MFSD6: variants seen among roughly 807,000 people sequenced by gnomAD.
MFSD6 encodes major facilitator superfamily domain containing 6, also known as major facilitator superfamily domain-containing protein 6.
MFSD6 carries 26 observed loss-of-function variants against 56.3 expected under a neutral mutation model. That is an observed-to-expected ratio of 0.46 (90% CI 0.34 to 0.64). The LOEUF is 0.64. MFSD6 is among the 30% of genes least tolerant of loss of function. The pLI, the probability that MFSD6 is intolerant of heterozygous loss-of-function variation, is 0.01. For synonymous variants in MFSD6, 331 were observed against 366.9 expected (o/e 0.90, Z 1.12); for missense variants, 750 against 986.2 (o/e 0.76, Z 3.21).
chr2:190,428,082 T>A (rs1481653734), intron 2 of MFSD6, among the ~76,000 whole-genome samples: 2 of 152,236 alleles, frequency 1.3e-5, no homozygotes, highest in Non-Finnish European at 2.9e-5. Context: ...TTATTATTTT[T>A]CCATAAGTGG....
chr2:190,449,953 A>T (rs1481134752), intron 3 of MFSD6, among the ~76,000 whole-genome samples: 2 of 152,132 alleles, frequency 1.3e-5, no homozygotes, highest in East Asian at 3.8e-4. Context: ...AGCATGGCAC[A>T]TGTATACATA....
At position 190,412,345 on chromosome 2, in the gene MFSD6, G is replaced by A; in HGVS notation, c.-175-2947G>A. Reference sequence around the variant, plus strand: ...CAGAAGAGATATTCTCACAATTTTAGGTATTATCCAACATTTCATTTTGGG... The same window carrying A: ...CAGAAGAGATATTCTCACAATTTTAAGTATTATCCAACATTTCATTTTGGG... On this transcript the variant is annotated intron_variant, in intron 1 of 7. Transcript: ENST00000392328. This position sits in a 1 kb window ranked among gnomAD's most constrained non-coding sequence, Gnocchi z 4.1. 1 of 984,096 alleles carries A rather than the reference G, an allele frequency of 1.0e-6. No individual in the cohort carries two copies. The highest frequency in any genetic ancestry group is 1.2e-6 in the Non-Finnish European group (1 of 828,800). 61.0% of individuals were successfully genotyped at this position (984,096 alleles called of 1,614,324 possible).
chr2:190,451,492 G>T lies in MFSD6; in HGVS notation c.1532+13931G>T, dbSNP rs939671082. On this transcript the variant is annotated intron_variant, in intron 3 of 7. Transcript: ENST00000392328. The surrounding 1 kb of genome is among the most constrained non-coding windows in gnomAD (Gnocchi z 5.0). Reference sequence around the variant, plus strand: ...ATAAGAAAGATAAAGGTCAGTCCTCGTGGGACTCACATTCTACTGGGGCAG... The same window carrying T: ...ATAAGAAAGATAAAGGTCAGTCCTCTTGGGACTCACATTCTACTGGGGCAG... Among the ~76,000 whole-genome samples, 2 of 152,216 alleles carry T rather than the reference G, an allele frequency of 1.3e-5. No homozygotes were observed. Among genetic ancestry groups the T allele is most frequent in the Admixed American group, 6.5e-5 (1 of 15,280 alleles).
At position 190,414,792 on chromosome 2, in the gene MFSD6, A is replaced by G. The variant is rs138477862; in HGVS notation, c.-175-500A>G. ...CAGCCAAGTATAAGAAAAAAATTAAATAAGTCCTAATTTTACTACTCAGAG... is the reference window on the plus strand; with the variant it reads ...CAGCCAAGTATAAGAAAAAAATTAAGTAAGTCCTAATTTTACTACTCAGAG... On this transcript the variant is annotated intron_variant, in intron 1 of 7. Transcript: ENST00000392328. Among the ~76,000 whole-genome samples the G allele has an allele frequency of 1.0e-3, 156 of 152,346 alleles. 1 individual carries two copies. Among genetic ancestry groups the G allele is most frequent in the African/African-American group, 3.7e-3 (152 of 41,592 alleles).
In MFSD6 at chr2:190,447,511, T is replaced by C. The variant is rs1419979871; in HGVS notation, c.1532+9950T>C. On this transcript the variant is annotated intron_variant, in intron 3 of 7. Coordinates refer to ENST00000392328, the MANE Select transcript of MFSD6 (RefSeq NM_017694.4). The surrounding 1 kb of genome is among the most constrained non-coding windows in gnomAD (Gnocchi z 4.5). The stretch of plus-strand genomic sequence containing the variant: ...CATATAGTCTGTGTCATAGCACATA[T>C]GAAAAAATGACCTACCTAGTGATAT... Among the ~76,000 whole-genome samples the C allele has an allele frequency of 1.3e-5, 2 of 149,072 alleles. No homozygotes were observed. The highest frequency in any genetic ancestry group is 1.9e-4 in the East Asian group (1 of 5,204).
chr2:190,412,181 A>G lies in MFSD6; in HGVS notation c.-175-3111A>G. On this transcript the variant is annotated intron_variant, in intron 1 of 7. Transcript: ENST00000392328. The surrounding 1 kb of genome is among the most constrained non-coding windows in gnomAD (Gnocchi z 4.1). ...CACTGCTTAGAATCCTTAAAAATTA[A>G]TACATTTCCAGACTTAGAAATCCAG... 1 of 984,700 alleles carries G rather than the reference A, an allele frequency of 1.0e-6. No homozygotes were observed. The highest frequency in any genetic ancestry group is 1.2e-6 in the Non-Finnish European group (1 of 829,248). The allele number at this position is 984,700 out of a possible 1,614,324, so 61.0% of individuals were successfully genotyped here.
At chr2:190,442,409 A>C (rs764900040) in intron 3 of MFSD6, among the ~76,000 whole-genome samples, 7 of 152,118 alleles carry the variant, frequency 4.6e-5, no homozygotes, top group Non-Finnish European at 7.4e-5. Flanking sequence ...TTTCATCTGG[A>C]GGCAGTAGGT....
At position 190,431,658 on chromosome 2, in the gene MFSD6, C is replaced by T. The variant is rs1686007542; in HGVS notation, c.-53-4319C>T. ...GCAGTGAGCCGAGATGGCAGCAGTA[C>T]AGTCCAGCTTCGGCTCAGCATCAGG... On this transcript the variant is annotated intron_variant, in intron 2 of 7. Transcript: ENST00000392328. This position sits in a 1 kb window ranked among gnomAD's most constrained non-coding sequence, Gnocchi z 4.4. Among the ~76,000 whole-genome samples, 1 of 152,180 alleles carries T rather than the reference C, an allele frequency of 6.6e-6. No individual in the cohort carries two copies. Among genetic ancestry groups the T allele is most frequent in the African/African-American group, 2.4e-5 (1 of 41,442 alleles).
Position 190,458,417 on chromosome 2 carries a change from G to A in MFSD6, c.1533-11341G>A, listed in dbSNP as rs1208064605. On this transcript the variant is annotated intron_variant, in intron 3 of 7. Coordinates refer to ENST00000392328, the MANE Select transcript of MFSD6 (RefSeq NM_017694.4). This position sits in a 1 kb window ranked among gnomAD's most constrained non-coding sequence, Gnocchi z 5.3. ...GAGGATGACTTGTCTGCAAGCCAAC[G>A]AGAGGGGCCCTGGAGAAACCAACAT... is the stretch of plus-strand genomic sequence containing the variant. Among the ~76,000 whole-genome samples the A allele has an allele frequency of 2.0e-5, 3 of 152,080 alleles. No homozygotes were observed. Among genetic ancestry groups the A allele is most frequent in the African/African-American group, 7.2e-5 (3 of 41,404 alleles).
chr2:190,461,516 A>G lies in MFSD6; in HGVS notation c.1533-8242A>G, dbSNP rs546897253. Reference sequence around the variant, plus strand: ...TACTTAATATTCTGCAATGTCTTTTACCTTGCTTTAAATGCCAAACAGTTC... The same window carrying G: ...TACTTAATATTCTGCAATGTCTTTTGCCTTGCTTTAAATGCCAAACAGTTC... On this transcript the variant is annotated intron_variant, in intron 3 of 7. Coordinates refer to ENST00000392328, the MANE Select transcript of MFSD6 (RefSeq NM_017694.4). The surrounding 1 kb of genome is among the most constrained non-coding windows in gnomAD (Gnocchi z 5.5). Among the ~76,000 whole-genome samples the G allele has an allele frequency of 2.0e-5, 3 of 152,300 alleles. No individual in the cohort carries two copies. The highest frequency in any genetic ancestry group is 4.4e-5 in the Non-Finnish European group (3 of 68,022).
At chr2:190,422,128 G>A (rs1478193236) in intron 2 of MFSD6, among the ~76,000 whole-genome samples, 1 of 152,094 alleles carries the variant, frequency 6.6e-6, no homozygotes, top group African/African-American at 2.4e-5. Context: ...TTGTTTTCTT[G>A]TAGTGTTCTG....
chr2:190,440,807 T>C (rs1328323477), intron 3 of MFSD6, among the ~76,000 whole-genome samples: 1 of 152,168 alleles, frequency 6.6e-6, no homozygotes, highest in Non-Finnish European at 1.5e-5. Context: ...CTACTTAATA[T>C]TAGCAAAATA....
Position 190,419,147 on chromosome 2 carries a change from A to G in MFSD6, c.-54+3734A>G, listed in dbSNP as rs74646712. Reference sequence around the variant, plus strand: ...GCAGATGCTAAAGCAATCCTGATGGAAAAAAAAAATCTATGGGAATTGACC... The same window carrying G: ...GCAGATGCTAAAGCAATCCTGATGGGAAAAAAAAATCTATGGGAATTGACC... On this transcript the variant is annotated intron_variant, in intron 2 of 7. Transcript: ENST00000392328. Among the ~76,000 whole-genome samples the G allele has an allele frequency of 9.5e-4, 143 of 151,102 alleles. 1 individual carries two copies. The highest frequency in any genetic ancestry group is 2.1e-3 in the Admixed American group (32 of 15,144).
chr2:190,408,941 C>T (rs989885710), intron 1 of MFSD6, among the ~76,000 whole-genome samples: 39 of 152,208 alleles, frequency 2.6e-4, no homozygotes, highest in Admixed American at 4.6e-4. Context: ...CGACCCGCGC[C>T]CTCGCCATAA....
rs1406424563 is a variant in MFSD6 at position 190,436,381 on chromosome 2, G to T, written c.352G>T (p.Ala118Ser). 6.2e-7 allele frequency: 1 copy of T among 1,614,160 alleles called. No homozygotes were observed. The highest frequency in any genetic ancestry group is 8.5e-7 in the Non-Finnish European group (1 of 1,180,024). The change falls in exon 3 of 8, where the codon GCC becomes TCC. Residue 118 changes from alanine (A) to serine (S), a missense_variant. Physicochemically the swap from Ala to Ser is moderately conservative, Grantham distance 99 (BLOSUM62 1). Around this residue, in one of 5 missense-constraint regions of MFSD6, gnomAD observed 376 missense variants for 437.9 expected, o/e 0.86. Transcript: ENST00000392328. This position sits in a 1 kb window ranked among gnomAD's most constrained non-coding sequence, Gnocchi z 5.3. ...TCGTTACTTCATTGAATTCTGCAGT[G>T]CCCCCTTTTGGGGTGTAGTTGCAGA... is the stretch of plus-strand genomic sequence containing the variant. The part of the protein sequence containing the change: ...GIRYFIEFCS[A>S]PFWGVVADRF...
Position 190,458,996 on chromosome 2 carries a change from G to T in MFSD6, c.1533-10762G>T, listed in dbSNP as rs1687184127. Among the ~76,000 whole-genome samples the T allele has an allele frequency of 6.6e-6, 1 of 152,198 alleles. No homozygotes were observed. The highest frequency in any genetic ancestry group is 2.1e-4 in the South Asian group (1 of 4,828). On this transcript the variant is annotated intron_variant, in intron 3 of 7. Coordinates refer to ENST00000392328, the MANE Select transcript of MFSD6 (RefSeq NM_017694.4). The surrounding 1 kb of genome is among the most constrained non-coding windows in gnomAD (Gnocchi z 5.3). ...AACAAGAACATCTGTTGTACTGACTGCTCCCAAGTCTGACGTAGAGAGTGG... is the reference window on the plus strand; with the variant it reads ...AACAAGAACATCTGTTGTACTGACTTCTCCCAAGTCTGACGTAGAGAGTGG...
Position 190,425,044 on chromosome 2 carries a change from G to C in MFSD6, c.-54+9631G>C, listed in dbSNP as rs1486047673. On this transcript the variant is annotated intron_variant, in intron 2 of 7. Coordinates refer to ENST00000392328, the MANE Select transcript of MFSD6 (RefSeq NM_017694.4). The surrounding 1 kb of genome is among the most constrained non-coding windows in gnomAD (Gnocchi z 4.3). ...TTGATTTCTTTCATCAGCATTTTAT[G>C]GTTTTCAGCATAAGGCCTTGTACAC... is the stretch of plus-strand genomic sequence containing the variant. Among the ~76,000 whole-genome samples, 1 of 152,088 alleles carries C rather than the reference G, an allele frequency of 6.6e-6. No homozygotes were observed. Among genetic ancestry groups the C allele is most frequent in the Non-Finnish European group, 1.5e-5 (1 of 68,002 alleles).
chr2:190,411,084 G>A, intron 1 of MFSD6: 18 of 980,738 alleles, frequency 1.8e-5, no homozygotes, highest in Non-Finnish European at 2.1e-5. Flanking sequence ...ACTAGCTTCA[G>A]AAGAAATTTA....
At chr2:190,432,176 A>T (rs1020603311) in intron 2 of MFSD6, among the ~76,000 whole-genome samples, 1 of 152,176 alleles carries the variant, frequency 6.6e-6, no homozygotes, top group African/African-American at 2.4e-5. Context: ...TTTCAATATA[A>T]GCATCTAGAA....
Sources: allele counts gnomAD v4.1 joint callset (sites outside exome capture counted in the v4.1 genomes callset), GRCh38; gene constraint gnomAD v4.1.1; regional missense constraint gnomAD v4.1.1; non-coding constraint Gnocchi (gnomAD v3.1); transcripts MANE v1.5; gene names NCBI Gene and HGNC (gene_info 2026-07-23, HGNC 2026-07-21).